PTPRN2: variants seen among roughly 807,000 people sequenced by gnomAD.
PTPRN2 encodes receptor-type tyrosine-protein phosphatase N2.
A neutral mutation model predicts 118.8 loss-of-function variants in PTPRN2; 74 were observed. That is an observed-to-expected ratio of 0.62 (90% confidence interval 0.52 to 0.76). The LOEUF is 0.76. PTPRN2 is among the 30% of genes least tolerant of loss of function. The probability of loss-of-function intolerance (pLI) is 0.00; values close to 1 mark genes in which losing one functional copy is unlikely to be tolerated. For missense variants in PTPRN2, 1,481 were observed against 1,394.4 expected, an observed-to-expected ratio of 1.06 and a Z score of -0.99; for synonymous variants, 641 against 608.0, an observed-to-expected ratio of 1.05 and a Z score of -0.80.
chr7:157,988,204 G>A (rs989634820), intron 11 of PTPRN2, among the ~76,000 whole-genome samples: 6 of 152,186 alleles, frequency 3.9e-5, no homozygotes, highest in East Asian at 1.9e-4. Context: ...GTCTCTCCCC[G>A]GAGCCCCCAC....
At chr7:158,538,261 G>A (rs1328063473) in intron 1 of PTPRN2, among the ~76,000 whole-genome samples, 5 of 152,206 alleles carry the variant, frequency 3.3e-5, no homozygotes, top group South Asian at 2.1e-4. Context: ...TCTGTGCACC[G>A]CATCTCGGAA....
rs534943986 is a variant in PTPRN2 at position 157,675,288 on chromosome 7, G to A, written c.2001+7437C>T. 3.9e-5 allele frequency among the ~76,000 whole-genome samples: 6 copies of A among 152,200 alleles called. No individual in the cohort carries two copies. In the South Asian group the frequency reaches 1.0e-3, roughly 26 times the overall value. On this transcript the variant is annotated intron_variant, in intron 13 of 22. Coordinates refer to ENST00000389418, the MANE Select transcript of PTPRN2 (RefSeq NM_002847.5). ...TTCCCTCCTGCCGAGCCCTCACCTC[G>A]ATGTGAGCCCTGAAGCCCCTTGGGC...
intron 19 of PTPRN2, 79 bp downstream of exon 19, chr7:157,576,534 T>A: frequency 7.3e-7 from 1 of 1,363,920 alleles, no homozygotes; most frequent in Non-Finnish European, 9.8e-7. Flanking sequence ...GCCAGGGGCG[T>A]CTCAGGAGCA....
At chr7:158,333,639 C>A (rs1804958602) in intron 2 of PTPRN2, among the ~76,000 whole-genome samples, 2 of 151,656 alleles carry the variant, frequency 1.3e-5, no homozygotes, top group East Asian at 1.9e-4. Flanking sequence ...AGACATCACT[C>A]ACACCCACAT....
chr7:158,187,788 C>T (rs1825294759), intron 5 of PTPRN2, among the ~76,000 whole-genome samples: 1 of 152,188 alleles, frequency 6.6e-6, no homozygotes, highest in African/African-American at 2.4e-5. Flanking sequence ...CAAACTGGGA[C>T]ACCTCCGAGT....
At chr7:158,284,652 G>A (rs947501482) in intron 3 of PTPRN2, among the ~76,000 whole-genome samples, 11 of 152,178 alleles carry the variant, frequency 7.2e-5, no homozygotes, top group Admixed American at 3.9e-4. Context: ...TTTGGCGTAC[G>A]GACTCCGCTT....
chr7:158,138,537 C>T (rs1167858248), intron 6 of PTPRN2, 22 bp from the exon 7 acceptor site: 1 of 1,601,752 alleles, frequency 6.2e-7, no homozygotes, highest in Admixed American at 1.7e-5. Flanking sequence ...CACACAAACA[C>T]AAGGACGTTG....
intron 22 of PTPRN2, 109 bp downstream of exon 22, chr7:157,548,837 C>T (rs547913453): frequency 2.3e-5 from 26 of 1,106,858 alleles, no homozygotes; most frequent in East Asian, 1.2e-4. Context: ...GCAGAGCAAT[C>T]GGTGTGCGGC....
intron 10 of PTPRN2, among the ~76,000 whole-genome samples, chr7:158,094,476 A>AT (rs1425053253): frequency 5.3e-4 from 80 of 149,960 alleles, no homozygotes; most frequent in African/African-American, 1.3e-3. Flanking sequence ...TGCTCAGCTA[A>AT]TTTTTTTTTT....
intron 3 of PTPRN2, among the ~76,000 whole-genome samples, chr7:158,298,055 A>G (rs1200251053): frequency 1.3e-5 from 2 of 152,162 alleles, no homozygotes; most frequent in African/African-American, 2.4e-5. Flanking sequence ...CTTGAATTCA[A>G]TTTACCTATG....
intron 11 of PTPRN2, among the ~76,000 whole-genome samples, chr7:158,011,649 C>T (rs1806056744): frequency 6.6e-6 from 1 of 152,064 alleles, no homozygotes; most frequent in Non-Finnish European, 1.5e-5. Flanking sequence ...GGAAACTACA[C>T]TTTATATTTT....
intron 5 of PTPRN2, among the ~76,000 whole-genome samples, chr7:158,188,204 CGCTCGCCGCCTGATGGGGAAGGCCG>C (rs1825362997): frequency 1.2e-5 from 1 of 82,438 alleles, no homozygotes; most frequent in Non-Finnish European, 2.7e-5. Context: ...AAGGCCGCCA[CGCTCGCCGCCTGATGGGGAAGGCCG>C]CCACGCTTGC....
chr7:158,324,380 T>G (rs1166355773), intron 2 of PTPRN2, among the ~76,000 whole-genome samples: 1 of 152,156 alleles, frequency 6.6e-6, no homozygotes, highest in African/African-American at 2.4e-5. Flanking sequence ...AATGGAGATG[T>G]CCGTGGAAGT....
At chr7:157,709,707 C>T (rs751167726) in intron 12 of PTPRN2, among the ~76,000 whole-genome samples, 6 of 152,216 alleles carry the variant, frequency 3.9e-5, no homozygotes, top group African/African-American at 1.4e-4. Flanking sequence ...GCCACACACC[C>T]GCCTTCAGAT....
At chr7:158,394,348 T>C (rs1370991219) in intron 2 of PTPRN2, among the ~76,000 whole-genome samples, 1 of 152,140 alleles carries the variant, frequency 6.6e-6, no homozygotes, top group African/African-American at 2.4e-5. Context: ...CATGGCTGCT[T>C]TCAGGGCCAC....
At chr7:157,907,126 A>G (rs569752490) in intron 11 of PTPRN2, among the ~76,000 whole-genome samples, 1 of 152,312 alleles carries the variant, frequency 6.6e-6, no homozygotes, top group East Asian at 1.9e-4. Context: ...CGGGAAGATG[A>G]AGCATAAAAC....
chr7:157,958,789 G>A lies in PTPRN2; in HGVS notation c.1724-60052C>T, dbSNP rs534315680. The stretch of plus-strand genomic sequence containing the variant: ...AAGTGGAAAGACATCCCATCTTCAC[G>A]TATTATAAGGCTCATTATTGTTAGC... On this transcript the variant is annotated intron_variant, in intron 11 of 22. Coordinates refer to ENST00000389418, the MANE Select transcript of PTPRN2 (RefSeq NM_002847.5). Among the ~76,000 whole-genome samples, 9 of 152,258 alleles carry A rather than the reference G, an allele frequency of 5.9e-5. No individual in the cohort carries two copies. In the South Asian group the frequency reaches 1.0e-3, roughly 18 times the overall value.
At chr7:157,642,845 G>GAAAAA (rs1563293128) in intron 14 of PTPRN2, among the ~76,000 whole-genome samples, 1 of 80,022 alleles carries the variant, frequency 1.2e-5, no homozygotes, top group South Asian at 4.4e-4. Flanking sequence ...AAAAAAAAAA[G>GAAAAA]CAGCTAAAAC....
chr7:157,620,017 C>T (rs886315087), intron 15 of PTPRN2, among the ~76,000 whole-genome samples: 6 of 152,158 alleles, frequency 3.9e-5, no homozygotes, highest in Admixed American at 1.3e-4. Context: ...TGTGAGCTGA[C>T]GAAGCTCCCT....
Sources: allele counts gnomAD v4.1 joint callset (sites outside exome capture counted in the v4.1 genomes callset), GRCh38; gene constraint gnomAD v4.1.1; transcripts MANE v1.5; gene names NCBI Gene and HGNC (gene_info 2026-07-23, HGNC 2026-07-21).